Variants in NUDT5 observed in about 807,000 individuals in gnomAD.
The protein encoded by NUDT5 is ADP-sugar pyrophosphatase.
Under a neutral mutation model 34.1 loss-of-function variants are expected in NUDT5, and 21 were observed. The observed-to-expected ratio is 0.62, with a 90% CI of 0.44 to 0.89. NUDT5 has a LOEUF of 0.89. Ranked by LOEUF, NUDT5 falls within the 40% of genes least tolerant of loss-of-function variation. The pLI, the probability that NUDT5 is intolerant of heterozygous loss-of-function variation, is 0.00. For missense variants in NUDT5, 249 were observed against 274.8 expected, an observed-to-expected ratio of 0.91 and a Z score of 0.66; for synonymous variants, 85 against 97.6, an observed-to-expected ratio of 0.87 and a Z score of 0.76.
Position 12,169,518 on chromosome 10 carries a change from C to G in NUDT5, c.550+1199G>C. The G allele has an allele frequency of 1.9e-6, 1 of 518,984 alleles. No homozygotes were observed. Among genetic ancestry groups the G allele is most frequent in the Non-Finnish European group, 3.4e-6 (1 of 293,450 alleles). The allele number at this position is 518,984 out of a possible 1,614,324, so 32.1% of individuals were successfully genotyped here. A position where few individuals can be genotyped will look rare whatever the true frequency, so the allele number is the denominator to read the frequency against. ...GAGTCGGGCCTGTGACTCCGAGCTG[C>G]GCTGCCTCGTATTGATTGTCATGCC... is the stretch of plus-strand genomic sequence containing the variant. On this transcript the variant is annotated intron_variant, in intron 9 of 9. Coordinates refer to ENST00000491614, the MANE Select transcript of NUDT5 (RefSeq NM_014142.4). This position sits in a 1 kb window ranked among gnomAD's most constrained non-coding sequence, Gnocchi z 4.8.
chr10:12,195,062 A>C (rs985061538), intron 1 of NUDT5, among the ~76,000 whole-genome samples: 1 of 152,242 alleles, frequency 6.6e-6, no homozygotes, highest in African/African-American at 2.4e-5. Context: ...CGAGAAGCTA[A>C]GGCAGGAGAA....
intron 1 of NUDT5, among the ~76,000 whole-genome samples, chr10:12,189,267 G>A (rs188635190): frequency 1.2e-4 from 19 of 152,158 alleles, no homozygotes; most frequent in South Asian, 2.1e-4. Context: ...CACTGCACCC[G>A]GCTAATTTTT....
chr10:12,177,257 C>A (rs532912417), intron 5 of NUDT5, among the ~76,000 whole-genome samples: 1 of 152,176 alleles, frequency 6.6e-6, no homozygotes, highest in East Asian at 1.9e-4. Flanking sequence ...CAAGGGCTCA[C>A]GCCTGTAATC....
chr10:12,192,583 G>A (rs1835250386), intron 1 of NUDT5, among the ~76,000 whole-genome samples: 1 of 152,154 alleles, frequency 6.6e-6, no homozygotes, highest in Non-Finnish European at 1.5e-5. Context: ...GCCGGGCTCG[G>A]TGGCTCATGC....
In NUDT5 at chr10:12,177,505, CGA is replaced by C. The variant is rs1301323571; in HGVS notation, c.289+286_289+287del. 3.3e-5 allele frequency among the ~76,000 whole-genome samples: 5 copies of C among 152,146 alleles called. No homozygotes were observed. The East Asian group carries it at 9.7e-4, about 29-fold the overall frequency. On this transcript the variant is annotated intron_variant, in intron 5 of 9. Transcript: ENST00000491614. ...CTGCACTCCAGCCTGGGTGATAGAG[CGA>C]GACTCCGTCTCACAAAACAAAACAA...
At chr10:12,172,601 TAA>T (rs1834876587) in intron 7 of NUDT5, 162 bp downstream of exon 7, 4 of 606,512 alleles carry the variant, frequency 6.6e-6, no homozygotes, top group Non-Finnish European at 1.2e-5. Flanking sequence ...AGAAAAATGC[TAA>T]AATACATGAT....
intron 9 of NUDT5, 65 bp from the exon 10 acceptor site, chr10:12,167,876 T>C: frequency 1.2e-6 from 2 of 1,602,476 alleles, no homozygotes; most frequent in Non-Finnish European, 1.7e-6. Flanking sequence ...TCTTATTCAA[T>C]CAGTGTTTGC....
intron 5 of NUDT5, among the ~76,000 whole-genome samples, chr10:12,176,784 C>G (rs1031603934): frequency 2.0e-5 from 3 of 152,170 alleles, no homozygotes; most frequent in Admixed American, 6.5e-5. Context: ...TGTTTCCGCA[C>G]AGCAGAGCAA....
In NUDT5 at chr10:12,172,853, G is replaced by T. The variant is rs773216039; in HGVS notation, c.399C>A (p.Asp133Glu). Residue 133 changes from aspartate to glutamate, a missense_variant, in exon 7 of 10, where the codon GAC (aspartate) becomes GAA (glutamate). Asp to Glu is a conservative substitution (Grantham distance 45). Coordinates refer to ENST00000491614, the MANE Select transcript of NUDT5 (RefSeq NM_014142.4). ...GTATAGTACAGTTTGACAAGCCTGG[G>T]TCCATACAGACCGCTGTGGAGAGAA... ...IAECSPAVCM[D>E]PGLSNCTIHI... 3 of 1,613,692 alleles carry T rather than the reference G, an allele frequency of 1.9e-6. No individual in the cohort carries two copies. Among genetic ancestry groups the T allele is most frequent in the Non-Finnish European group, 2.5e-6 (3 of 1,179,542 alleles).
In NUDT5 at chr10:12,166,860, A is replaced by G. The variant is rs1364488300; in HGVS notation, c.*842T>C. The G allele has an allele frequency of 7.1e-6, 3 of 420,364 alleles. No individual in the cohort carries two copies. Among genetic ancestry groups the G allele is most frequent in the Non-Finnish European group, 1.5e-5 (3 of 204,274 alleles). 26.0% of individuals were successfully genotyped at this position (420,364 alleles called of 1,614,324 possible). A position where few individuals can be genotyped will look rare whatever the true frequency, so the allele number is the denominator to read the frequency against. The stretch of plus-strand genomic sequence containing the variant: ...AGGCATGGGAACCAGATCAATCTGT[A>G]CTTCTTGCTGTGAACTACTCTGTAT... On this transcript the variant is annotated 3_prime_UTR_variant, in exon 10 of 10. Transcript: ENST00000491614.
At position 12,168,963 on chromosome 10, in the gene NUDT5, A is replaced by G. The variant is rs1247340270; in HGVS notation, c.551-1152T>C. On this transcript the variant is annotated intron_variant, in intron 9 of 9. Transcript: ENST00000491614. The surrounding 1 kb of genome is among the most constrained non-coding windows in gnomAD (Gnocchi z 4.8). ...TTTTTAGTAGAGATGGGGTTTTACT[A>G]TGTTGGCCAGGCTGGTCTGGAGCTC... Among the ~76,000 whole-genome samples, 4 of 151,956 alleles carry G rather than the reference A, an allele frequency of 2.6e-5. No homozygotes were observed. Among genetic ancestry groups the G allele is most frequent in the African/African-American group, 7.3e-5 (3 of 41,356 alleles).
chr10:12,175,515 G>A lies in NUDT5; in HGVS notation c.290-1702C>T, dbSNP rs917023031. ...TTAAAAATCGAATGCGGTGATGCACGCCTGCAGACCCAGCTACCCAGGAAG... is the reference window on the plus strand; with the variant it reads ...TTAAAAATCGAATGCGGTGATGCACACCTGCAGACCCAGCTACCCAGGAAG... On this transcript the variant is annotated intron_variant, in intron 5 of 9. Transcript: ENST00000491614. This position sits in a 1 kb window ranked among gnomAD's most constrained non-coding sequence, Gnocchi z 4.8. Among the ~76,000 whole-genome samples the A allele has an allele frequency of 5.9e-5, 9 of 151,412 alleles. No individual in the cohort carries two copies. Among genetic ancestry groups the A allele is most frequent in the South Asian group, 2.1e-4 (1 of 4,780 alleles).
Position 12,170,348 on chromosome 10 carries a change from C to T in NUDT5, c.550+369G>A. ...ACAGCCTCCACAAAGGACCATCCCT[C>T]ATACTAGCATACTTGAGGAAAAGCT... On this transcript the variant is annotated intron_variant, in intron 9 of 9. Coordinates refer to ENST00000491614, the MANE Select transcript of NUDT5 (RefSeq NM_014142.4). The surrounding 1 kb of genome is among the most constrained non-coding windows in gnomAD (Gnocchi z 4.9). 1.4e-6 allele frequency: 1 copy of T among 706,450 alleles called. No individual in the cohort carries two copies. Among genetic ancestry groups the T allele is most frequent in the East Asian group, 2.6e-5 (1 of 38,326 alleles). The allele number at this position is 706,450 out of a possible 1,614,324, so 43.8% of individuals were successfully genotyped here. A position where few individuals can be genotyped will look rare whatever the true frequency, so the allele number is the denominator to read the frequency against.
At chr10:12,178,225 CGT>C in intron 4 of NUDT5, among the ~76,000 whole-genome samples, 1 of 152,190 alleles carries the variant, frequency 6.6e-6, no homozygotes, top group Non-Finnish European at 1.5e-5. Flanking sequence ...CACTTTCCAG[CGT>C]GTGGCAGCCC....
chr10:12,165,400 A>G lies in NUDT5; in HGVS notation c.*2302T>C, dbSNP rs989383138. On this transcript the variant is annotated 3_prime_UTR_variant, in exon 10 of 10. Coordinates refer to ENST00000491614, the MANE Select transcript of NUDT5 (RefSeq NM_014142.4). Reference sequence around the variant, plus strand: ...GTGTTGGAAAAAATAAAGAAATCTGATATTAAACGTTTTCTAAGATCATTT... The same window carrying G: ...GTGTTGGAAAAAATAAAGAAATCTGGTATTAAACGTTTTCTAAGATCATTT... The G allele has an allele frequency of 1.1e-6, 1 of 951,080 alleles. No homozygotes were observed. Among genetic ancestry groups the G allele is most frequent in the Non-Finnish European group, 1.3e-6 (1 of 798,740 alleles). 58.9% of individuals were successfully genotyped at this position (951,080 alleles called of 1,614,324 possible).
chr10:12,181,123 T>C lies in NUDT5; in HGVS notation c.132-1991A>G, dbSNP rs565516385. Among the ~76,000 whole-genome samples, 4 of 152,224 alleles carry C rather than the reference T, an allele frequency of 2.6e-5. No homozygotes were observed. Among genetic ancestry groups the C allele is most frequent in the East Asian group, 1.9e-4 (1 of 5,186 alleles). ...CCATTGAAAATATTTAGGAAAAAAA[T>C]TGCATCTATACTGAACAGGTCCACA... On this transcript the variant is annotated intron_variant, in intron 3 of 9. Transcript: ENST00000491614. This position sits in a 1 kb window ranked among gnomAD's most constrained non-coding sequence, Gnocchi z 5.0.
rs1442792486 is a variant in NUDT5, at chr10:12,166,223, C to G, written c.*1479G>C. The G allele has an allele frequency of 6.5e-6, 1 of 152,988 alleles. No homozygotes were observed. The highest frequency in any genetic ancestry group is 2.4e-5 in the African/African-American group (1 of 41,474). The allele number at this position is 152,988 out of a possible 1,614,324, so 9.5% of individuals were successfully genotyped here. ...GGAGGAACTGGGCTATGTGGAAAGACTGGGCTGCGCCCGTCTACGGATGCC... is the reference window on the plus strand; with the variant it reads ...GGAGGAACTGGGCTATGTGGAAAGAGTGGGCTGCGCCCGTCTACGGATGCC... On this transcript the variant is annotated 3_prime_UTR_variant, in exon 10 of 10. Transcript: ENST00000491614.
In NUDT5 at chr10:12,175,738, G is replaced by C. The variant is rs933805084; in HGVS notation, c.290-1925C>G. ...ACTTGAGCCAAGGAGTTAGAGATCA[G>C]CCTGGGCAACATGGCAAAACCCCAT... On this transcript the variant is annotated intron_variant, in intron 5 of 9. Coordinates refer to ENST00000491614, the MANE Select transcript of NUDT5 (RefSeq NM_014142.4). The surrounding 1 kb of genome is among the most constrained non-coding windows in gnomAD (Gnocchi z 4.8). Among the ~76,000 whole-genome samples, 2 of 152,022 alleles carry C rather than the reference G, an allele frequency of 1.3e-5. No homozygotes were observed. Among genetic ancestry groups the C allele is most frequent in the African/African-American group, 4.8e-5 (2 of 41,400 alleles).
Position 12,170,930 on chromosome 10 carries a change from A to T in NUDT5, c.488-22T>A, listed in dbSNP as rs1409509595. Reference sequence around the variant, plus strand: ...TCCCCTGGAAATAAACAGAAGGAAAACATTTCAGCAAGGCCTGGAGTGGTA... The same window carrying T: ...TCCCCTGGAAATAAACAGAAGGAAATCATTTCAGCAAGGCCTGGAGTGGTA... On this transcript the variant is annotated intron_variant, in intron 7 of 9. Transcript: ENST00000491614. This position sits in a 1 kb window ranked among gnomAD's most constrained non-coding sequence, Gnocchi z 4.9. 1.3e-5 allele frequency: 21 copies of T among 1,612,456 alleles called. No individual in the cohort carries two copies. The highest frequency in any genetic ancestry group is 1.7e-5 in the Non-Finnish European group (20 of 1,179,228).
Sources: allele counts gnomAD v4.1 joint callset (sites outside exome capture counted in the v4.1 genomes callset), GRCh38; gene constraint gnomAD v4.1.1; non-coding constraint Gnocchi (gnomAD v3.1); transcripts MANE v1.5; gene names NCBI Gene and HGNC (gene_info 2026-07-23, HGNC 2026-07-21).